DIS3L2: variants seen among roughly 807,000 people sequenced by gnomAD.
DIS3L2 encodes DIS3 like 3'-5' exoribonuclease 2, also known as DIS3-like exonuclease 2.
Under a neutral mutation model 97.5 loss-of-function variants are expected in DIS3L2, and 34 were observed. The ratio of observed to expected loss-of-function variants is 0.35; its 90% CI spans 0.27 to 0.46. The LOEUF is 0.46. Ranked by LOEUF, DIS3L2 falls within the 20% of genes least tolerant of loss-of-function variation. The pLI, the probability that DIS3L2 is intolerant of heterozygous loss-of-function variation, is 1.00. For synonymous variants in DIS3L2, 435 were observed against 445.2 expected (o/e 0.98, Z 0.29); for missense variants, 1,038 against 1,146.0 (o/e 0.91, Z 1.36).
intron 5 of DIS3L2, among the ~76,000 whole-genome samples, chr2:232,033,623 T>A (rs1012135048): frequency 6.6e-6 from 1 of 152,204 alleles, no homozygotes; most frequent in Non-Finnish European, 1.5e-5. Flanking sequence ...TAAATAGCTC[T>A]TACTATTTTG....
At chr2:232,337,326 C>G (rs1383331924), downstream of DIS3L2, 1 of 372,686 alleles carries the variant, frequency 2.7e-6, no homozygotes, top group Non-Finnish European at 3.7e-6. Flanking sequence ...TGTGATACCC[C>G]CTCCCCTCAG....
intron 5 of DIS3L2, among the ~76,000 whole-genome samples, chr2:232,062,841 C>T (rs1173421894): frequency 6.6e-6 from 1 of 152,040 alleles, no homozygotes; most frequent in Non-Finnish European, 1.5e-5. Flanking sequence ...CTTCATCTAT[C>T]TATCTGTGTC....
chr2:231,972,837 C>G (rs1574775885), intron 1 of DIS3L2, among the ~76,000 whole-genome samples: 2 of 152,318 alleles, frequency 1.3e-5, no homozygotes, highest in East Asian at 3.9e-4. Flanking sequence ...CACCACCATG[C>G]CTGGTCCTAA....
chr2:232,113,492 T>C (rs1368997626), intron 6 of DIS3L2, among the ~76,000 whole-genome samples: 1 of 152,224 alleles, frequency 6.6e-6, no homozygotes, highest in Non-Finnish European at 1.5e-5. Flanking sequence ...CCACTCCTTT[T>C]ATCTTAGGGT....
chr2:232,122,332 A>G lies in DIS3L2; in HGVS notation c.602-8287A>G, dbSNP rs537495859. Among the ~76,000 whole-genome samples, 255 of 152,314 alleles carry G rather than the reference A, an allele frequency of 1.7e-3. 1 individual carries two copies. The highest frequency in any genetic ancestry group is 6.0e-3 in the African/African-American group (250 of 41,570). On this transcript the variant is annotated intron_variant, in intron 6 of 20. Coordinates refer to ENST00000325385, the MANE Select transcript of DIS3L2 (RefSeq NM_152383.5). Reference sequence around the variant, plus strand: ...GGTAAGTTACATTTTACAGACAAGGAAATGTGACCTATTTTGTAATGCTGC... The same window carrying G: ...GGTAAGTTACATTTTACAGACAAGGGAATGTGACCTATTTTGTAATGCTGC...
chr2:232,020,397 G>GTGGA lies in DIS3L2; in HGVS notation c.211-3865_211-3862dup, dbSNP rs550136652. 2.6e-5 allele frequency among the ~76,000 whole-genome samples: 4 copies of GTGGA among 152,160 alleles called. No individual in the cohort carries two copies. The South Asian group carries it at 6.2e-4, about 24-fold the overall frequency. ...AAAGTGGCAGTAAAGATGGAGAGGA[G>GTGGA]TGGATGGATGGATGGATGTGGGGCT... On this transcript the variant is annotated intron_variant, in intron 3 of 20. Coordinates refer to ENST00000325385, the MANE Select transcript of DIS3L2 (RefSeq NM_152383.5).
chr2:232,051,434 T>G (rs1695395882), intron 5 of DIS3L2, among the ~76,000 whole-genome samples: 1 of 152,198 alleles, frequency 6.6e-6, no homozygotes, highest in Non-Finnish European at 1.5e-5. Context: ...TATTGTGATG[T>G]AAACTTTTAC....
chr2:232,275,926 G>A (rs1694128846), intron 13 of DIS3L2, among the ~76,000 whole-genome samples: 1 of 152,218 alleles, frequency 6.6e-6, no homozygotes, highest in Non-Finnish European at 1.5e-5. Context: ...GTGGTTTGAA[G>A]GGGCCACTTT....
At chr2:232,316,155 C>T (rs1695269193) in intron 14 of DIS3L2, among the ~76,000 whole-genome samples, 1 of 152,318 alleles carries the variant, frequency 6.6e-6, no homozygotes, top group East Asian at 1.9e-4. Context: ...TGCGGCTTCA[C>T]AGTAGCCTCC....
Position 232,325,959 on chromosome 2 carries a change from C to G in DIS3L2, c.1740-3854C>G, listed in dbSNP as rs1695560585. ...AGTGCCCACTCTGCGCCCTTCGGGG[C>G]TCCCGTGGCCCAGAGTGTGGAGCGG... On this transcript the variant is annotated intron_variant, in intron 14 of 20. Transcript: ENST00000325385. This position sits in a 1 kb window ranked among gnomAD's most constrained non-coding sequence, Gnocchi z 4.6. 6.6e-6 allele frequency among the ~76,000 whole-genome samples: 1 copy of G among 152,234 alleles called. No homozygotes were observed. Among genetic ancestry groups the G allele is most frequent in the South Asian group, 2.1e-4 (1 of 4,838 alleles).
intron 14 of DIS3L2, among the ~76,000 whole-genome samples, chr2:232,308,788 G>A (rs576885509): frequency 6.6e-6 from 1 of 152,138 alleles, no homozygotes; most frequent in Non-Finnish European, 1.5e-5. Context: ...CCCCCTGCCC[G>A]TGGGGGCTTA....
chr2:231,962,582 C>T (rs1692597945), intron 1 of DIS3L2, among the ~76,000 whole-genome samples: 2 of 151,960 alleles, frequency 1.3e-5, no homozygotes, highest in African/African-American at 4.8e-5. Context: ...CTACAGGCGC[C>T]CGCCACCCCG....
rs1432607670 is a variant in DIS3L2, at chr2:232,205,299, A to T, written c.1125-5027A>T. ...GAGACAGGGTCTTGCTCTATCACCCAGGCTAGAGTGCAGTGTCGTGATCTC... is the reference window on the plus strand; with the variant it reads ...GAGACAGGGTCTTGCTCTATCACCCTGGCTAGAGTGCAGTGTCGTGATCTC... On this transcript the variant is annotated intron_variant, in intron 9 of 20. Transcript: ENST00000325385. Among the ~76,000 whole-genome samples the T allele has an allele frequency of 6.6e-5, 10 of 151,048 alleles. 1 individual carries two copies. The highest frequency in any genetic ancestry group is 2.4e-4 in the African/African-American group (10 of 40,944).
chr2:232,057,445 CTT>C (rs1046895638), intron 5 of DIS3L2, among the ~76,000 whole-genome samples: 136 of 152,258 alleles, frequency 8.9e-4, no homozygotes, highest in African/African-American at 3.2e-3. Flanking sequence ...AATCAGCTGA[CTT>C]TAAGTTAACC....
intron 14 of DIS3L2, among the ~76,000 whole-genome samples, chr2:232,301,978 C>G (rs368474965): frequency 6.6e-6 from 1 of 151,934 alleles, no homozygotes; most frequent in South Asian, 2.1e-4. Flanking sequence ...CATGCCCAGC[C>G]TAGCTCTGTG....
At chr2:232,052,669 T>C (rs758995462) in intron 5 of DIS3L2, among the ~76,000 whole-genome samples, 1 of 152,218 alleles carries the variant, frequency 6.6e-6, no homozygotes, top group Non-Finnish European at 1.5e-5. Context: ...TTGCTTGCAG[T>C]TCTCTGCATG....
chr2:232,147,997 T>TTCTCCTCTCCTCTCCTCTCCTCTCC (rs56996184), intron 8 of DIS3L2, among the ~76,000 whole-genome samples: 8 of 97,546 alleles, frequency 8.2e-5, no homozygotes, highest in Non-Finnish European at 1.6e-4. Flanking sequence ...CTCCCCTCTT[T>TTCTCCTCTCCTCTCCTCTCCTCTCC]TCTCCTCTCC....
chr2:231,982,655 G>T, intron 1 of DIS3L2, among the ~76,000 whole-genome samples: 1 of 149,454 alleles, frequency 6.7e-6, no homozygotes, highest in South Asian at 2.1e-4. Flanking sequence ...TCTACATTTG[G>T]ATTTGTTTCT....
intron 5 of DIS3L2, among the ~76,000 whole-genome samples, chr2:232,066,589 A>G (rs1427736905): frequency 6.6e-6 from 1 of 151,976 alleles, no homozygotes; most frequent in East Asian, 1.9e-4. Context: ...TCATAAAGTG[A>G]GTTGGGAAAT....
Sources: gnomAD v4.1 joint callset for allele counts (sites outside exome capture counted in the v4.1 genomes callset) on GRCh38, gnomAD v4.1.1 for gene constraint, Gnocchi (gnomAD v3.1) non-coding constraint, MANE v1.5 for transcripts, NCBI Gene and HGNC (gene_info 2026-07-23, HGNC 2026-07-21) for gene names.